Variants in BLTP1 observed in about 807,000 individuals in gnomAD.
BLTP1 encodes bridge-like lipid transfer protein family member 1.
the BLTP1 span, among the ~76,000 whole-genome samples, chr4:122,157,469 G>A: frequency 6.6e-6 from 1 of 152,136 alleles, no homozygotes; most frequent in Non-Finnish European, 1.5e-5. Context: ...CAGATCATCA[G>A]GCATTAGATT....
the BLTP1 span, among the ~76,000 whole-genome samples, chr4:122,273,863 T>C: frequency 6.6e-6 from 1 of 152,182 alleles, no homozygotes; most frequent in African/African-American, 2.4e-5. Context: ...TGAACAATAA[T>C]GCTAAATGAA....
the BLTP1 span, chr4:122,194,453 G>A: frequency 0.023 from 15,640 of 668,638 alleles, 239 homozygotes; most frequent in Non-Finnish European, 0.026. Context: ...TTCCTCTTCT[G>A]GTAAAATTTT....
the BLTP1 span, chr4:122,208,361 A>G: frequency 1.4e-5 from 14 of 980,594 alleles, no homozygotes; most frequent in African/African-American, 1.7e-5. Flanking sequence ...TAACCACTCT[A>G]CCTTGCTGCC....
chr4:122,194,797 G>A, the BLTP1 span: 3 of 570,050 alleles, frequency 5.3e-6, no homozygotes, highest in African/African-American at 2.0e-5. Context: ...AGAAATGACA[G>A]TGAAGATAGA....
At chr4:122,154,596 G>A in the BLTP1 span, among the ~76,000 whole-genome samples, 9 of 151,998 alleles carry the variant, frequency 5.9e-5, no homozygotes, top group South Asian at 2.1e-4. Context: ...GAAAATGGCC[G>A]GGCGCGGTGG....
At chr4:122,255,421 C>T in the BLTP1 span, 1 of 605,220 alleles carries the variant, frequency 1.7e-6, no homozygotes. Context: ...CTTTGGGAGG[C>T]TGAGGCGGTT....
At chr4:122,233,732 T>G in the BLTP1 span, among the ~76,000 whole-genome samples, 1 of 152,222 alleles carries the variant, frequency 6.6e-6, no homozygotes, top group African/African-American at 2.4e-5. Context: ...TCTATGTTAC[T>G]TTTTGAAAGA....
the BLTP1 span, chr4:122,161,173 C>T: frequency 1.4e-5 from 14 of 970,306 alleles, no homozygotes; most frequent in East Asian, 1.5e-3. Context: ...ATCCAGAAGA[C>T]TTTAATATAA....
chr4:122,346,445 A>G, the BLTP1 span: 1 of 984,698 alleles, frequency 1.0e-6, no homozygotes, highest in Non-Finnish European at 1.2e-6. Context: ...CAAAAAAGGG[A>G]AGTGGTACTA....
At chr4:122,277,678 C>G in the BLTP1 span, 1 of 977,062 alleles carries the variant, frequency 1.0e-6, no homozygotes, top group Non-Finnish European at 1.2e-6. Flanking sequence ...CATTTGTTTA[C>G]CACTCACTGA....
chr4:122,346,400 T>C, the BLTP1 span: 19 of 925,676 alleles, frequency 2.1e-5, no homozygotes, highest in Admixed American at 6.2e-5. Context: ...GATTTCATGA[T>C]AAAGTGATAA....
chr4:122,321,817 A>G, the BLTP1 span, among the ~76,000 whole-genome samples: 1 of 121,138 alleles, frequency 8.3e-6, no homozygotes, highest in African/African-American at 3.1e-5. Context: ...ATAATTTTGC[A>G]AGGTATATGA....
At chr4:122,266,382 G>A in the BLTP1 span, among the ~76,000 whole-genome samples, 1 of 151,988 alleles carries the variant, frequency 6.6e-6, no homozygotes, top group African/African-American at 2.4e-5. Context: ...ATTAACACAG[G>A]AAGTTGAAAA....
At chr4:122,257,114 A>C in the BLTP1 span, 1 of 866,346 alleles carries the variant, frequency 1.2e-6, no homozygotes, top group Non-Finnish European at 1.7e-6. Flanking sequence ...GTAACTTTGA[A>C]CAAATTACTT....
the BLTP1 span, chr4:122,231,477 A>G: frequency 2.7e-4 from 52 of 192,314 alleles, no homozygotes; most frequent in African/African-American, 1.2e-3. Flanking sequence ...GGTGGTTTTC[A>G]ATTTTTAAGA....
At chr4:122,209,652 C>T in the BLTP1 span, 2 of 537,332 alleles carry the variant, frequency 3.7e-6, no homozygotes, top group Non-Finnish European at 2.4e-6. Flanking sequence ...AAAAATAAAT[C>T]AATTAGTAAA....
chr4:122,325,617 T>A, the BLTP1 span: 15 of 1,121,768 alleles, frequency 1.3e-5, 1 homozygote, highest in South Asian at 2.9e-4. Flanking sequence ...TGAGAATCCA[T>A]ATTAAACTAC....
the BLTP1 span, chr4:122,207,884 T>A: frequency 1.0e-6 from 1 of 984,152 alleles, no homozygotes; most frequent in Non-Finnish European, 1.2e-6. Flanking sequence ...TCATTTCTGA[T>A]CTCTGTGGCT....
At chr4:122,232,982 G>A in the BLTP1 span, among the ~76,000 whole-genome samples, 1 of 152,160 alleles carries the variant, frequency 6.6e-6, no homozygotes, top group African/African-American at 2.4e-5. Flanking sequence ...TGATATTACT[G>A]GAAGAGCTAC....
Sources: gnomAD v4.1 joint callset for allele counts (sites outside exome capture counted in the v4.1 genomes callset) on GRCh38, gnomAD v4.1.1 for gene constraint, MANE v1.5 for transcripts, NCBI Gene and HGNC (gene_info 2026-07-23, HGNC 2026-07-21) for gene names.